The following KCTD8 variants were observed in gnomAD, a reference collection of about 807,000 sequenced individuals.
KCTD8 encodes potassium channel tetramerization domain containing 8.
In KCTD8, 27 loss-of-function variants were observed where a neutral mutation model predicts 31.5. The observed-to-expected ratio is 0.86, with a 90% CI of 0.63 to 1.18. The LOEUF (loss-of-function observed/expected upper bound fraction) is 1.18. Ranked by LOEUF, KCTD8 falls within the 50% of genes most tolerant of loss-of-function variation. The probability of loss-of-function intolerance (pLI) is 0.00; values close to 1 mark genes in which losing one functional copy is unlikely to be tolerated. For synonymous variants in KCTD8, 290 were observed against 280.0 expected, an observed-to-expected ratio of 1.04 and a Z score of -0.36; for missense variants, 658 against 647.7, an observed-to-expected ratio of 1.02 and a Z score of -0.17.
At chr4:44,302,533 G>T (rs1388898896) in intron 1 of KCTD8, among the ~76,000 whole-genome samples, 1 of 152,044 alleles carries the variant, frequency 6.6e-6, no homozygotes, top group African/African-American at 2.4e-5. Flanking sequence ...TGTTATTGGT[G>T]TATAAGAATG....
chr4:44,296,312 C>A (rs1717431427), intron 1 of KCTD8, among the ~76,000 whole-genome samples: 1 of 151,158 alleles, frequency 6.6e-6, no homozygotes, highest in South Asian at 2.1e-4. Context: ...CCAAAATAGC[C>A]AATATAAGAA....
chr4:44,370,623 A>C (rs188460605), intron 1 of KCTD8, among the ~76,000 whole-genome samples: 74 of 152,274 alleles, frequency 4.9e-4, no homozygotes, highest in Non-Finnish European at 1.5e-4. Flanking sequence ...TCAAAGCAGA[A>C]ATAAGGAGGA....
chr4:44,301,234 T>G (rs1717610243), intron 1 of KCTD8, among the ~76,000 whole-genome samples: 1 of 152,202 alleles, frequency 6.6e-6, no homozygotes, highest in Non-Finnish European at 1.5e-5. Context: ...ATATACCCAG[T>G]AATGGGATGG....
Position 44,175,046 on chromosome 4 carries a change from A to G in KCTD8, c.1166T>C (p.Leu389Ser). 6.2e-7 allele frequency: 1 copy of G among 1,614,030 alleles called. No homozygotes were observed. Among genetic ancestry groups the G allele is most frequent in the Middle Eastern group, 1.7e-4 (1 of 6,060 alleles). Residue 389 changes from leucine (L) to serine (S), a missense_variant, in exon 2 of 2, where the codon TTG becomes TCG. Coordinates refer to ENST00000360029, the MANE Select transcript of KCTD8 (RefSeq NM_198353.3). ...AGGTGCTTTTTTAGAGGGGCGATCC[A>G]ATGTTAAAGTGTTAGGTTGGTGAGC... ...ATAHQPNTLT[L>S]DRPSKKAPVQ...
Position 44,410,029 on chromosome 4 carries a change from G to T in KCTD8, c.961+37534C>A, listed in dbSNP as rs979222227. 3.9e-5 allele frequency among the ~76,000 whole-genome samples: 6 copies of T among 152,110 alleles called. No homozygotes were observed. In the South Asian group the frequency reaches 1.2e-3, roughly 32 times the overall value. Reference sequence around the variant, plus strand: ...CAATAAAATGACTAGTATCATTAATGAGGAACCTTCTTAATTTAGCTATTT... The same window carrying T: ...CAATAAAATGACTAGTATCATTAATTAGGAACCTTCTTAATTTAGCTATTT... On this transcript the variant is annotated intron_variant, in intron 1 of 1. Coordinates refer to ENST00000360029, the MANE Select transcript of KCTD8 (RefSeq NM_198353.3).
At chr4:44,405,662 C>T (rs1300173690) in intron 1 of KCTD8, among the ~76,000 whole-genome samples, 1 of 152,050 alleles carries the variant, frequency 6.6e-6, no homozygotes, top group Non-Finnish European at 1.5e-5. Context: ...CTCTGGAACT[C>T]TACTCAAATA....
At chr4:44,332,872 G>A (rs1157558142) in intron 1 of KCTD8, among the ~76,000 whole-genome samples, 1 of 151,724 alleles carries the variant, frequency 6.6e-6, no homozygotes, top group African/African-American at 2.4e-5. Flanking sequence ...TCTCAACTCT[G>A]ACTCTGTTGA....
At chr4:44,289,524 ACC>A (rs1174225683) in intron 1 of KCTD8, among the ~76,000 whole-genome samples, 1 of 152,084 alleles carries the variant, frequency 6.6e-6, no homozygotes, top group African/African-American at 2.4e-5. Context: ...GAAGCTGGAA[ACC>A]CTGTACAGGG....
intron 1 of KCTD8, among the ~76,000 whole-genome samples, chr4:44,189,917 G>A (rs1423334590): frequency 6.6e-6 from 1 of 151,890 alleles, no homozygotes; most frequent in East Asian, 1.9e-4. Flanking sequence ...AGTCATTTTC[G>A]CTATTCCAAT....
At chr4:44,298,651 C>T (rs1560419111) in intron 1 of KCTD8, among the ~76,000 whole-genome samples, 2 of 152,278 alleles carry the variant, frequency 1.3e-5, no homozygotes, top group African/African-American at 2.4e-5. Flanking sequence ...ATGAAACACA[C>T]TCCCTTGACT....
At chr4:44,387,397 G>T (rs564345455) in intron 1 of KCTD8, among the ~76,000 whole-genome samples, 51 of 151,804 alleles carry the variant, frequency 3.4e-4, no homozygotes, top group Non-Finnish European at 6.8e-4. Context: ...AACCAAAAAA[G>T]AGCCTGAATA....
In KCTD8 at chr4:44,388,400, C is replaced by A. The variant is rs551939121; in HGVS notation, c.961+59163G>T. ...AACCATTCTATTATAAAGACACATG[C>A]ACACGTATGTTCACTGCAGTACTAT... On this transcript the variant is annotated intron_variant, in intron 1 of 1. Transcript: ENST00000360029. Among the ~76,000 whole-genome samples the A allele has an allele frequency of 3.3e-5, 5 of 152,010 alleles. No individual in the cohort carries two copies. In the East Asian group the frequency reaches 9.7e-4, roughly 30 times the overall value.
chr4:44,275,701 C>A (rs914211271), intron 1 of KCTD8, among the ~76,000 whole-genome samples: 2 of 151,950 alleles, frequency 1.3e-5, no homozygotes, highest in Non-Finnish European at 2.9e-5. Context: ...ATTTCTTGTA[C>A]ATCGTGGTGG....
intron 1 of KCTD8, among the ~76,000 whole-genome samples, chr4:44,241,791 G>GA (rs1560403746): frequency 2.0e-5 from 3 of 152,268 alleles, no homozygotes; most frequent in Admixed American, 2.0e-4. Context: ...CCAACCCTCT[G>GA]AGAGTACAGG....
intron 1 of KCTD8, among the ~76,000 whole-genome samples, chr4:44,420,849 A>G (rs1721191727): frequency 6.6e-6 from 1 of 152,122 alleles, no homozygotes; most frequent in Non-Finnish European, 1.5e-5. Context: ...CAGAAGAGCT[A>G]AATAAAAGAG....
intron 1 of KCTD8, among the ~76,000 whole-genome samples, chr4:44,296,675 G>A (rs1049431383): frequency 4.6e-5 from 7 of 151,960 alleles, no homozygotes; most frequent in South Asian, 2.1e-4. Context: ...GTGATGAATG[G>A]TATCATGTGG....
Position 44,448,008 on chromosome 4 carries a change from A to G in KCTD8, c.516T>C (p.Gly172=). 1 of 1,590,866 alleles carries G rather than the reference A, an allele frequency of 6.3e-7. No homozygotes were observed. The highest frequency in any genetic ancestry group is 1.1e-5 in the South Asian group (1 of 88,264). The change falls in exon 1 of 2, where the codon GGT becomes GGC. Residue 172 remains glycine, a synonymous_variant. Coordinates refer to ENST00000360029, the MANE Select transcript of KCTD8 (RefSeq NM_198353.3). This position sits in a 1 kb window ranked among gnomAD's most constrained non-coding sequence, Gnocchi z 4.1. ...CGCGCAGCAGCAGCGCGTCGCTGCT[A>G]CCCTGCGAGACGTTGTCCTCCAGGT... ...QSDLEDNVSQ[G]SSDALLLRGA... is the part of the protein sequence containing the mutation.
chr4:44,312,475 C>T (rs1340189006), intron 1 of KCTD8, among the ~76,000 whole-genome samples: 1 of 151,590 alleles, frequency 6.6e-6, no homozygotes, highest in Non-Finnish European at 1.5e-5. Context: ...TTTTCTAATG[C>T]AAGAGTAAAT....
chr4:44,419,541 G>A (rs1207466174), intron 1 of KCTD8, among the ~76,000 whole-genome samples: 1 of 152,170 alleles, frequency 6.6e-6, no homozygotes, highest in African/African-American at 2.4e-5. Context: ...ATGAGTTCAT[G>A]TCCTTTGAAG....
Sources: gnomAD v4.1 joint callset for allele counts (sites outside exome capture counted in the v4.1 genomes callset) on GRCh38, gnomAD v4.1.1 for gene constraint, Gnocchi (gnomAD v3.1) non-coding constraint, MANE v1.5 for transcripts, NCBI Gene and HGNC (gene_info 2026-07-23, HGNC 2026-07-21) for gene names.